RAD51B: variants seen among roughly 807,000 people sequenced by gnomAD.
RAD51B encodes DNA repair protein RAD51 homolog 2.
RAD51B carries 38 observed loss-of-function variants against 42.2 expected under a neutral mutation model. The observed-to-expected ratio is 0.90, with a 90% CI of 0.70 to 1.18. RAD51B has a LOEUF of 1.18. RAD51B is among the 50% of genes most tolerant of loss of function. The probability of loss-of-function intolerance (pLI) is 0.00; values close to 1 mark genes in which losing one functional copy is unlikely to be tolerated. For synonymous variants in RAD51B, 154 were observed against 145.2 expected, an observed-to-expected ratio of 1.06 and a Z score of -0.43; for missense variants, 373 against 400.7, an observed-to-expected ratio of 0.93 and a Z score of 0.59.
intron 10 of RAD51B, among the ~76,000 whole-genome samples, chr14:68,584,677 A>G (rs1307155089): frequency 6.6e-6 from 1 of 152,194 alleles, no homozygotes; most frequent in Non-Finnish European, 1.5e-5. Context: ...TTTCACCTCC[A>G]TAAAAGGTTC....
intron 10 of RAD51B, among the ~76,000 whole-genome samples, chr14:68,634,787 T>C (rs1349155597): frequency 6.6e-6 from 1 of 152,100 alleles, no homozygotes. Context: ...GAGTACAGTT[T>C]AGAGATTGGG....
At chr14:68,029,072 C>T (rs564619725) in intron 7 of RAD51B, among the ~76,000 whole-genome samples, 4 of 152,250 alleles carry the variant, frequency 2.6e-5, no homozygotes, top group Non-Finnish European at 2.9e-5. Context: ...AACCCTCTCC[C>T]GTGGAGCTGT....
At chr14:68,093,580 T>C (rs888835473) in intron 7 of RAD51B, among the ~76,000 whole-genome samples, 2 of 152,182 alleles carry the variant, frequency 1.3e-5, no homozygotes, top group Non-Finnish European at 2.9e-5. Flanking sequence ...GTCTATTTGA[T>C]TCATCTCTTT....
At position 68,087,936 on chromosome 14, in the gene RAD51B, AAT is replaced by A. The variant is rs1398770540; in HGVS notation, c.756+200733_756+200734del. On this transcript the variant is annotated intron_variant, in intron 7 of 10. Transcript: ENST00000471583. ...TATAATATATTATATATAATTATAT[AAT>A]TTATTATTATATATAATTATATAAT... Among the ~76,000 whole-genome samples, 315 of 114,108 alleles carry A rather than the reference AAT, an allele frequency of 2.8e-3. 5 individuals are homozygous for A. Among genetic ancestry groups the A allele is most frequent in the African/African-American group, 8.9e-3 (212 of 23,908 alleles). The allele number at this position is 114,108 out of a possible 152,430, so 74.9% of individuals were successfully genotyped here.
rs527350062 is a variant in RAD51B, at chr14:67,879,564, T to C, written c.453-6305T>C. Among the ~76,000 whole-genome samples, 5 of 152,238 alleles carry C rather than the reference T, an allele frequency of 3.3e-5. No homozygotes were observed. The East Asian group carries it at 9.6e-4, about 29-fold the overall frequency. ...CTTAAGAGAGCCTCCTGCCTCAGCC[T>C]CCTGAGTAGCTGGGACTACAGATGT... On this transcript the variant is annotated intron_variant, in intron 5 of 10. Coordinates refer to ENST00000471583, the MANE Select transcript of RAD51B (RefSeq NM_133510.4).
intron 8 of RAD51B, among the ~76,000 whole-genome samples, chr14:68,364,082 G>T (rs576354114): frequency 9.9e-4 from 151 of 152,232 alleles, no homozygotes; most frequent in African/African-American, 3.5e-3. Flanking sequence ...GCTTTGCTTC[G>T]CCATGTTCCT....
At chr14:68,262,479 C>G (rs976816165) in intron 7 of RAD51B, among the ~76,000 whole-genome samples, 2 of 152,184 alleles carry the variant, frequency 1.3e-5, no homozygotes, top group Non-Finnish European at 2.9e-5. Flanking sequence ...GTAAACAACA[C>G]ATCCCCATGC....
chr14:68,017,991 A>AATAT lies in RAD51B; in HGVS notation c.756+130790_756+130791insTATA, dbSNP rs555806982. Among the ~76,000 whole-genome samples the AATAT allele has an allele frequency of 8.6e-5, 13 of 151,978 alleles. No homozygotes were observed. The East Asian group carries it at 2.1e-3, about 25-fold the overall frequency. ...TCTCGAATAAATAAATAAATAAATAAATAAATAAATTTTAACTGCAGAATT... is the reference window on the plus strand; with the variant it reads ...TCTCGAATAAATAAATAAATAAATAAATATATAAATAAATTTTAACTGCAGAATT... On this transcript the variant is annotated intron_variant, in intron 7 of 10. Coordinates refer to ENST00000471583, the MANE Select transcript of RAD51B (RefSeq NM_133510.4).
chr14:68,348,015 T>C (rs1040508357), intron 8 of RAD51B, among the ~76,000 whole-genome samples: 1 of 152,106 alleles, frequency 6.6e-6, no homozygotes, highest in African/African-American at 2.4e-5. Flanking sequence ...AAATGAAAAG[T>C]GCTGGTAAGG....
At chr14:67,881,142 A>G (rs935614267) in intron 5 of RAD51B, among the ~76,000 whole-genome samples, 1 of 152,220 alleles carries the variant, frequency 6.6e-6, no homozygotes, top group Admixed American at 6.5e-5. Context: ...AAGGTATTGT[A>G]AAAATATACT....
intron 10 of RAD51B, among the ~76,000 whole-genome samples, chr14:68,492,710 A>G (rs1204114219): frequency 6.6e-6 from 1 of 152,212 alleles, no homozygotes; most frequent in African/African-American, 2.4e-5. Context: ...TTGAGCAGCT[A>G]CCAAATGATA....
At chr14:68,435,410 A>T (rs2085120679) in intron 9 of RAD51B, among the ~76,000 whole-genome samples, 1 of 150,936 alleles carries the variant, frequency 6.6e-6, no homozygotes, top group Admixed American at 6.6e-5. Context: ...CCAGTCCACC[A>T]TTGATGGGCA....
chr14:68,657,476 A>G (rs2140143146), intron 11 of RAD51B, among the ~76,000 whole-genome samples: 1 of 152,348 alleles, frequency 6.6e-6, no homozygotes, highest in African/African-American at 2.4e-5. Context: ...CCACTGCACC[A>G]GCCTCCCCAT....
At chr14:68,479,455 A>G (rs1882987130), downstream of RAD51B, among the ~76,000 whole-genome samples, 1 of 152,130 alleles carries the variant, frequency 6.6e-6, no homozygotes, top group Admixed American at 6.5e-5. Context: ...CTCTCTACCC[A>G]GAGGAAAGGA....
chr14:67,882,522 T>C (rs961026819), intron 5 of RAD51B, among the ~76,000 whole-genome samples: 1 of 152,228 alleles, frequency 6.6e-6, no homozygotes, highest in Non-Finnish European at 1.5e-5. Context: ...AGCTTTCCCA[T>C]GAACTTCAGA....
chr14:68,423,951 T>C (rs1422198274), intron 9 of RAD51B, among the ~76,000 whole-genome samples: 2 of 152,234 alleles, frequency 1.3e-5, no homozygotes, highest in Non-Finnish European at 2.9e-5. Context: ...GTTCTTCTTC[T>C]CTGTTCCAAG....
intron 4 of RAD51B, among the ~76,000 whole-genome samples, chr14:67,846,286 C>T (rs1262186537): frequency 6.6e-6 from 1 of 152,058 alleles, no homozygotes; most frequent in African/African-American, 2.4e-5. Context: ...TGTGTGTGTT[C>T]GTGCTGGTGG....
At chr14:67,935,790 G>C (rs1453082954) in intron 7 of RAD51B, among the ~76,000 whole-genome samples, 1 of 152,020 alleles carries the variant, frequency 6.6e-6, no homozygotes, top group East Asian at 1.9e-4. Flanking sequence ...TGCTCCTTCA[G>C]GATCTAGGGC....
chr14:68,185,594 C>G (rs778069537), intron 7 of RAD51B, among the ~76,000 whole-genome samples: 3 of 151,772 alleles, frequency 2.0e-5, no homozygotes. Context: ...TTCAGGCAGA[C>G]GAGGCTTGCC....
Sources: gnomAD v4.1 joint callset for allele counts (sites outside exome capture counted in the v4.1 genomes callset) on GRCh38, gnomAD v4.1.1 for gene constraint, MANE v1.5 for transcripts, NCBI Gene and HGNC (gene_info 2026-07-23, HGNC 2026-07-21) for gene names.